Variants in SREK1IP1 observed in about 807,000 individuals in gnomAD.
SREK1IP1 encodes SREK1 interacting protein 1, also known as protein SREK1IP1.
SREK1IP1 carries 12 observed loss-of-function variants against 22.8 expected under a neutral mutation model. The ratio of observed to expected loss-of-function variants is 0.53; its 90% confidence interval spans 0.34 to 0.85. The LOEUF is 0.85. SREK1IP1 is among the 40% of genes least tolerant of loss of function. The pLI is 0.02. For synonymous variants in SREK1IP1, 53 were observed against 52.7 expected (o/e 1.01, Z -0.02); for missense variants, 147 against 171.8 (o/e 0.86, Z 0.81).
intron 2 of SREK1IP1, among the ~76,000 whole-genome samples, chr5:64,752,401 T>C (rs996495704): frequency 6.6e-6 from 1 of 152,098 alleles, no homozygotes; most frequent in Non-Finnish European, 1.5e-5. Flanking sequence ...TCCACCCACC[T>C]TGGCCTCCCA....
intron 2 of SREK1IP1, among the ~76,000 whole-genome samples, chr5:64,745,130 T>C (rs1742611416): frequency 6.6e-6 from 1 of 152,222 alleles, no homozygotes; most frequent in African/African-American, 2.4e-5. Flanking sequence ...TTTGAGCTCA[T>C]TTTCTTGTCT....
intron 1 of SREK1IP1, among the ~76,000 whole-genome samples, chr5:64,764,847 TAAAG>T (rs1363442612): frequency 6.6e-6 from 1 of 152,184 alleles, no homozygotes; most frequent in Non-Finnish European, 1.5e-5. Context: ...AGTTTAGGAA[TAAAG>T]AAAAATTGGA....
rs774806995 is a variant in SREK1IP1, at chr5:64,741,148, C to T, written c.114G>A (p.Arg38=). The T allele has an allele frequency of 1.5e-5, 24 of 1,612,514 alleles. No homozygotes were observed. The South Asian group carries it at 2.6e-4, about 18-fold the overall frequency. The change falls in exon 3 of 5, where the codon AGG becomes AGA. Residue 38 remains arginine, a synonymous_variant. Coordinates refer to ENST00000513458, the MANE Select transcript of SREK1IP1 (RefSeq NM_173829.4). ...TACTGCTGACATCCAAAACTATGTC[C>T]CTTTTAGGGTCTACTCGGAGAAAAT... is the stretch of plus-strand genomic sequence containing the variant. ...CRNFLRVDPK[R]DIVLDVSSTS...
chr5:64,739,994 T>C (rs1742527058), intron 3 of SREK1IP1, among the ~76,000 whole-genome samples: 1 of 152,184 alleles, frequency 6.6e-6, no homozygotes, highest in African/African-American at 2.4e-5. Flanking sequence ...TCTAAGATTA[T>C]ATTCAAATAA....
At position 64,724,253 on chromosome 5, in the gene SREK1IP1, A is replaced by C. The variant is rs1742223905; in HGVS notation, c.*131T>G. The C allele has an allele frequency of 3.8e-6, 3 of 782,038 alleles. No homozygotes were observed. The East Asian group carries it at 7.9e-5, about 20-fold the overall frequency. The allele number at this position is 782,038 out of a possible 1,614,324, so 48.4% of individuals were successfully genotyped here. ...ATATTGCCAGAGGGATAATGGTCCC[A>C]AATACGAAAAATGTCTATATGGAAA... On this transcript the variant is annotated 3_prime_UTR_variant, in exon 5 of 5. Transcript: ENST00000513458.
At chr5:64,746,189 C>T (rs1349152355) in intron 2 of SREK1IP1, among the ~76,000 whole-genome samples, 1 of 151,974 alleles carries the variant, frequency 6.6e-6, no homozygotes, top group Admixed American at 6.6e-5. Flanking sequence ...TAGTTGGACC[C>T]CTCACCTCAG....
chr5:64,727,553 A>ATATATATATATATTTTTTT, intron 4 of SREK1IP1: 3 of 84,714 alleles, frequency 3.5e-5, no homozygotes, highest in Admixed American at 1.1e-4. Context: ...ATATATATAT[A>ATATATATATATATTTTTTT]TTTTTTTTTT....
At chr5:64,754,626 G>A (rs994100132) in intron 1 of SREK1IP1, 12 of 333,692 alleles carry the variant, frequency 3.6e-5, no homozygotes, top group African/African-American at 1.0e-4. Context: ...ACCACACCTG[G>A]CTAACTTTTA....
rs370839409 is a variant in SREK1IP1 at position 64,747,713 on chromosome 5, G to A, written c.62-6513C>T. Among the ~76,000 whole-genome samples, 5 of 152,008 alleles carry A rather than the reference G, an allele frequency of 3.3e-5. No individual in the cohort carries two copies. In the South Asian group the frequency reaches 1.0e-3, roughly 32 times the overall value. Reference sequence around the variant, plus strand: ...GGAGGTAGAGGTGGGTGGATCACGAGGTCAGGAGATTGAGACCATCCTGGC... The same window carrying A: ...GGAGGTAGAGGTGGGTGGATCACGAAGTCAGGAGATTGAGACCATCCTGGC... On this transcript the variant is annotated intron_variant, in intron 2 of 4. Transcript: ENST00000513458.
At chr5:64,755,720 G>GT (rs1396665601) in intron 1 of SREK1IP1, among the ~76,000 whole-genome samples, 1 of 149,994 alleles carries the variant, frequency 6.7e-6, no homozygotes, top group African/African-American at 2.4e-5. Flanking sequence ...ATAAAAGAAA[G>GT]TAAAAAAAAA....
chr5:64,746,121 A>G lies in SREK1IP1; in HGVS notation c.62-4921T>C, dbSNP rs550580212. 2.0e-5 allele frequency among the ~76,000 whole-genome samples: 3 copies of G among 152,342 alleles called. No homozygotes were observed. In the South Asian group the frequency reaches 6.2e-4, roughly 32 times the overall value. On this transcript the variant is annotated intron_variant, in intron 2 of 4. Transcript: ENST00000513458. ...AAGAGTGAAAGTCCATCCAGTGTGGAAAGAATTGTCTTTTCAACAGATGGT... is the reference window on the plus strand; with the variant it reads ...AAGAGTGAAAGTCCATCCAGTGTGGGAAGAATTGTCTTTTCAACAGATGGT...
At chr5:64,737,719 A>C (rs1434016005) in intron 3 of SREK1IP1, among the ~76,000 whole-genome samples, 1 of 152,012 alleles carries the variant, frequency 6.6e-6, no homozygotes, top group Non-Finnish European at 1.5e-5. Flanking sequence ...CAAAATTAGA[A>C]CTGAAAAAAG....
chr5:64,740,530 C>A (rs1390708118), intron 3 of SREK1IP1, among the ~76,000 whole-genome samples: 1 of 152,194 alleles, frequency 6.6e-6, no homozygotes, highest in East Asian at 1.9e-4. Flanking sequence ...AAAGGAAATA[C>A]CTGGGGAGCT....
intron 3 of SREK1IP1, among the ~76,000 whole-genome samples, chr5:64,731,481 T>A: frequency 6.8e-6 from 1 of 146,598 alleles, no homozygotes; most frequent in East Asian, 2.0e-4. Flanking sequence ...ATGATTGCAT[T>A]ACTGAACTCC....
At chr5:64,767,909 GT>G (rs1743078203) in intron 1 of SREK1IP1, among the ~76,000 whole-genome samples, 1 of 152,134 alleles carries the variant, frequency 6.6e-6, no homozygotes, top group Admixed American at 6.6e-5. Flanking sequence ...AGAGTTCACC[GT>G]TTTTAGGTCA....
chr5:64,766,495 T>C (rs1393356139), intron 1 of SREK1IP1, among the ~76,000 whole-genome samples: 1 of 152,252 alleles, frequency 6.6e-6, no homozygotes. Context: ...CACATCATTA[T>C]AACTCACCAG....
At chr5:64,746,660 T>A (rs1376096021) in intron 2 of SREK1IP1, among the ~76,000 whole-genome samples, 1 of 152,180 alleles carries the variant, frequency 6.6e-6, no homozygotes, top group African/African-American at 2.4e-5. Context: ...ATGAGGATGA[T>A]CTGAATTGTT....
At position 64,722,029 on chromosome 5, in the gene SREK1IP1, A is replaced by G. The variant is rs1349153911; in HGVS notation, c.*2355T>C. The G allele has an allele frequency of 6.6e-6, 1 of 152,170 alleles. No homozygotes were observed. Among genetic ancestry groups the G allele is most frequent in the Admixed American group, 6.6e-5 (1 of 15,262 alleles). 9.4% of individuals were successfully genotyped at this position (152,170 alleles called of 1,614,324 possible). On this transcript the variant is annotated 3_prime_UTR_variant, in exon 5 of 5. Coordinates refer to ENST00000513458, the MANE Select transcript of SREK1IP1 (RefSeq NM_173829.4). Reference sequence around the variant, plus strand: ...AAATTCAGTTTTCCTTCTGGTACATACTGCCTGGGAGGGAATTTCATTAAT... The same window carrying G: ...AAATTCAGTTTTCCTTCTGGTACATGCTGCCTGGGAGGGAATTTCATTAAT...
intron 2 of SREK1IP1, among the ~76,000 whole-genome samples, chr5:64,747,418 G>T (rs1487545043): frequency 1.3e-5 from 2 of 152,146 alleles, no homozygotes; most frequent in African/African-American, 4.8e-5. Context: ...AATAATAAAA[G>T]ATGCTCCTAT....
Sources: allele counts gnomAD v4.1 joint callset (sites outside exome capture counted in the v4.1 genomes callset), GRCh38; gene constraint gnomAD v4.1.1; transcripts MANE v1.5; gene names NCBI Gene and HGNC (gene_info 2026-07-23, HGNC 2026-07-21).